The following GRM8 variants were observed in gnomAD, a reference collection of about 807,000 sequenced individuals.
GRM8 encodes glutamate metabotropic receptor 8.
Under a neutral mutation model 87.2 loss-of-function variants are expected in GRM8, and 47 were observed. That is an observed-to-expected ratio of 0.54 (90% CI 0.43 to 0.69). GRM8 has a LOEUF of 0.69. GRM8 is among the 30% of genes least tolerant of loss of function. The pLI is 0.00. For missense variants in GRM8, 1,019 were observed against 1,139.2 expected (o/e 0.89, Z 1.52); for synonymous variants, 396 against 404.5 (o/e 0.98, Z 0.25).
At chr7:127,131,601 A>G (rs1456549936) in intron 2 of GRM8, among the ~76,000 whole-genome samples, 1 of 152,194 alleles carries the variant, frequency 6.6e-6, no homozygotes, top group Admixed American at 6.5e-5. Context: ...ACACTGGTTT[A>G]AGGTATCTCA....
chr7:126,958,066 C>T (rs1045851175), intron 3 of GRM8, among the ~76,000 whole-genome samples: 4 of 152,166 alleles, frequency 2.6e-5, no homozygotes, highest in Non-Finnish European at 5.9e-5. Context: ...TGTCTCGGGT[C>T]TCAGGGGTCT....
intron 6 of GRM8, among the ~76,000 whole-genome samples, chr7:126,794,790 A>G (rs2151686742): frequency 6.6e-6 from 1 of 152,290 alleles, no homozygotes; most frequent in East Asian, 1.9e-4. Flanking sequence ...ATCTTAGTGA[A>G]TTAACTGGAG....
intron 7 of GRM8, among the ~76,000 whole-genome samples, chr7:126,636,844 A>G (rs1363899661): frequency 6.6e-6 from 1 of 152,108 alleles, no homozygotes; most frequent in Non-Finnish European, 1.5e-5. Context: ...GTGACATTTT[A>G]TCTTTCAATA....
intron 7 of GRM8, among the ~76,000 whole-genome samples, chr7:126,630,539 C>T (rs981993252): frequency 6.6e-6 from 1 of 152,010 alleles, no homozygotes; most frequent in African/African-American, 2.4e-5. Flanking sequence ...TAAATGAGGC[C>T]AGCATCTTCC....
intron 3 of GRM8, among the ~76,000 whole-genome samples, chr7:126,921,050 C>T (rs1182046184): frequency 1.3e-5 from 2 of 152,112 alleles, no homozygotes. Flanking sequence ...AATATCACAG[C>T]AGACATTTGA....
At chr7:126,579,867 A>C (rs1239502099) in intron 8 of GRM8, among the ~76,000 whole-genome samples, 1 of 152,132 alleles carries the variant, frequency 6.6e-6, no homozygotes, top group Non-Finnish European at 1.5e-5. Context: ...TTACTAAGTA[A>C]ATTTTGAAAT....
intron 3 of GRM8, among the ~76,000 whole-genome samples, chr7:126,999,626 T>C (rs970854505): frequency 6.6e-6 from 1 of 151,626 alleles, no homozygotes; most frequent in African/African-American, 2.4e-5. Flanking sequence ...CAGACGGGCA[T>C]ACGAAAAGGT....
chr7:126,966,922 C>A (rs1809930292), intron 3 of GRM8, among the ~76,000 whole-genome samples: 1 of 152,180 alleles, frequency 6.6e-6, no homozygotes, highest in African/African-American at 2.4e-5. Flanking sequence ...AGGTGAAGCA[C>A]CCATTGTTCA....
intron 3 of GRM8, among the ~76,000 whole-genome samples, chr7:127,036,304 T>G (rs535721661): frequency 6.6e-6 from 1 of 152,336 alleles, no homozygotes; most frequent in African/African-American, 2.4e-5. Flanking sequence ...GTGGGGTATC[T>G]TTCTGTTCAG....
chr7:127,181,637 T>C (rs999881914), intron 2 of GRM8, among the ~76,000 whole-genome samples: 2 of 151,892 alleles, frequency 1.3e-5, no homozygotes, highest in African/African-American at 2.4e-5. Context: ...GGTACTGGTA[T>C]AAAAATAGGC....
intron 6 of GRM8, among the ~76,000 whole-genome samples, chr7:126,894,820 G>C (rs951008627): frequency 6.6e-6 from 1 of 152,032 alleles, no homozygotes; most frequent in African/African-American, 2.4e-5. Context: ...TCATCGTTAG[G>C]TAGCTACAGG....
At chr7:126,554,643 A>T (rs1467072323) in intron 8 of GRM8, among the ~76,000 whole-genome samples, 1 of 152,112 alleles carries the variant, frequency 6.6e-6, no homozygotes, top group African/African-American at 2.4e-5. Flanking sequence ...ACAAAAGGCA[A>T]AGCACATGGT....
chr7:126,901,263 T>C (rs61755388), intron 6 of GRM8, among the ~76,000 whole-genome samples: 23,379 of 152,164 alleles, frequency 0.15, 2,058 homozygotes, highest in Non-Finnish European at 0.21. Flanking sequence ...ATCTCAAATG[T>C]CACCTCCTCT....
intron 8 of GRM8, among the ~76,000 whole-genome samples, chr7:126,597,800 C>T (rs1334502193): frequency 6.6e-6 from 1 of 151,986 alleles, no homozygotes; most frequent in Non-Finnish European, 1.5e-5. Context: ...TTCATGGATA[C>T]ATAATAGTTG....
intron 8 of GRM8, among the ~76,000 whole-genome samples, chr7:126,543,226 G>A (rs1190925113): frequency 1.3e-5 from 2 of 152,032 alleles, no homozygotes; most frequent in Non-Finnish European, 2.9e-5. Context: ...TTAAAAAGTG[G>A]GCTTTAAATT....
chr7:126,817,851 T>C (rs1433413422), intron 6 of GRM8, among the ~76,000 whole-genome samples: 1 of 152,178 alleles, frequency 6.6e-6, no homozygotes, highest in Non-Finnish European at 1.5e-5. Flanking sequence ...TATCATACAT[T>C]CATTCTGTAT....
At chr7:126,453,888 G>A (rs1487182988) in intron 9 of GRM8, among the ~76,000 whole-genome samples, 5 of 151,618 alleles carry the variant, frequency 3.3e-5, no homozygotes, top group Non-Finnish European at 7.4e-5. Context: ...TTAATACAAG[G>A]TGTCTACTCT....
At chr7:126,613,657 G>A (rs998880486) in intron 7 of GRM8, among the ~76,000 whole-genome samples, 5 of 152,200 alleles carry the variant, frequency 3.3e-5, no homozygotes, top group Admixed American at 6.5e-5. Context: ...ACGGCACCTG[G>A]AAAATCAGGT....
At chr7:126,718,445 T>A (rs1407406416) in intron 7 of GRM8, among the ~76,000 whole-genome samples, 1 of 152,140 alleles carries the variant, frequency 6.6e-6, no homozygotes, top group East Asian at 1.9e-4. Flanking sequence ...AAATTTCATA[T>A]CCTGGGGTGA....
Sources: allele counts gnomAD v4.1 joint callset (sites outside exome capture counted in the v4.1 genomes callset), GRCh38; gene constraint gnomAD v4.1.1; transcripts MANE v1.5; gene names NCBI Gene and HGNC (gene_info 2026-07-23, HGNC 2026-07-21).